CHRM3: variants seen among roughly 807,000 people sequenced by gnomAD.
The protein encoded by CHRM3 is cholinergic receptor muscarinic 3.
Under a neutral mutation model 41.8 loss-of-function variants are expected in CHRM3, and 11 were observed. The ratio of observed to expected loss-of-function variants is 0.26; its 90% CI spans 0.17 to 0.44. The LOEUF is 0.44. Ranked by LOEUF, CHRM3 falls within the 20% of genes least tolerant of loss-of-function variation. The pLI is 1.00. For synonymous variants in CHRM3, 297 were observed against 301.4 expected (o/e 0.99, Z 0.15); for missense variants, 571 against 745.4 (o/e 0.77, Z 2.72).
At chr1:239,890,735 A>C (rs765636991) in intron 6 of CHRM3, among the ~76,000 whole-genome samples, 1 of 152,222 alleles carries the variant, frequency 6.6e-6, no homozygotes. Context: ...TTCAAATATT[A>C]ACACAATAAG....
intron 5 of CHRM3, among the ~76,000 whole-genome samples, chr1:239,773,601 G>C (rs575144271): frequency 3.9e-5 from 6 of 152,144 alleles, no homozygotes; most frequent in African/African-American, 1.2e-4. Flanking sequence ...GAAAGTAAAG[G>C]AGCAAAAGAC....
At chr1:239,456,035 A>G (rs1242868644) in intron 1 of CHRM3, among the ~76,000 whole-genome samples, 1 of 152,178 alleles carries the variant, frequency 6.6e-6, no homozygotes, top group Admixed American at 6.5e-5. Flanking sequence ...AGTTGGGGGC[A>G]GTGCCTAACA....
At chr1:239,483,069 C>T (rs1009389302) in intron 1 of CHRM3, among the ~76,000 whole-genome samples, 2 of 152,110 alleles carry the variant, frequency 1.3e-5, no homozygotes, top group Non-Finnish European at 2.9e-5. Context: ...GGTTTGGGTT[C>T]ATCACCATCT....
intron 1 of CHRM3, among the ~76,000 whole-genome samples, chr1:239,417,026 G>GA (rs915849086): frequency 1.3e-5 from 2 of 152,164 alleles, no homozygotes; most frequent in African/African-American, 2.4e-5. Flanking sequence ...AAAAAGGCCT[G>GA]AAAAATGACA....
chr1:239,755,744 G>A (rs1666188596), intron 5 of CHRM3, among the ~76,000 whole-genome samples: 1 of 152,178 alleles, frequency 6.6e-6, no homozygotes, highest in Non-Finnish European at 1.5e-5. Context: ...GTAGTCACTG[G>A]TGATCACCAT....
intron 6 of CHRM3, among the ~76,000 whole-genome samples, chr1:239,871,130 C>T (rs150558336): frequency 1.3e-5 from 2 of 152,170 alleles, no homozygotes; most frequent in East Asian, 1.9e-4. Context: ...TGGGCTCATA[C>T]TAGAATGTAT....
intron 1 of CHRM3, among the ~76,000 whole-genome samples, chr1:239,455,009 T>C (rs1664820536): frequency 6.6e-6 from 1 of 152,240 alleles, no homozygotes; most frequent in African/African-American, 2.4e-5. Context: ...ATTACTGACT[T>C]ATGTATTTAC....
intron 2 of CHRM3, among the ~76,000 whole-genome samples, chr1:239,498,312 C>T (rs1668012819): frequency 6.6e-6 from 1 of 152,044 alleles, no homozygotes; most frequent in South Asian, 2.1e-4. Context: ...AAATACCTAC[C>T]ATATTGAATA....
rs988271983 is a variant in CHRM3, at chr1:239,453,967, G to A, written c.-520-38742G>A. ...AAAGTCTTAGCCAGGTTGATGGGAA[G>A]TGTATAATAGTAGGAAAAAATAAAC... On this transcript the variant is annotated intron_variant, in intron 1 of 6. Coordinates refer to ENST00000676153, the MANE Select transcript of CHRM3 (RefSeq NM_001375978.1). Among the ~76,000 whole-genome samples, 13 of 152,290 alleles carry A rather than the reference G, an allele frequency of 8.5e-5. 1 individual carries two copies. Among genetic ancestry groups the A allele is most frequent in the African/African-American group, 2.2e-4 (9 of 41,556 alleles).
chr1:239,835,377 CACA>C (rs1160401497), intron 6 of CHRM3, among the ~76,000 whole-genome samples: 1 of 152,118 alleles, frequency 6.6e-6, no homozygotes, highest in Non-Finnish European at 1.5e-5. Flanking sequence ...GTAGTCCTTC[CACA>C]AGCAACTGAT....
chr1:239,655,597 C>G (rs1672641194), intron 4 of CHRM3, among the ~76,000 whole-genome samples: 1 of 152,188 alleles, frequency 6.6e-6, no homozygotes, highest in Non-Finnish European at 1.5e-5. Context: ...AGCTCTTTCT[C>G]TTAGTATAAT....
At chr1:239,423,051 TTCTTA>T (rs987227342) in intron 1 of CHRM3, among the ~76,000 whole-genome samples, 21 of 152,286 alleles carry the variant, frequency 1.4e-4, no homozygotes, top group African/African-American at 4.8e-4. Context: ...GATCTTTTCC[TTCTTA>T]TCTGTCAGTT....
intron 1 of CHRM3, among the ~76,000 whole-genome samples, chr1:239,426,160 C>A (rs1196997739): frequency 8.9e-6 from 1 of 112,306 alleles, no homozygotes; most frequent in Non-Finnish European, 1.8e-5. Context: ...CCCCTCCCCC[C>A]ACCCCACAAC....
intron 4 of CHRM3, among the ~76,000 whole-genome samples, chr1:239,665,928 T>A (rs190503259): frequency 1.3e-5 from 2 of 152,294 alleles, no homozygotes; most frequent in Admixed American, 1.3e-4. Flanking sequence ...TGATGGGAAT[T>A]TGGGTTGGTT....
At chr1:239,893,134 G>A (rs1165930945) in intron 6 of CHRM3, among the ~76,000 whole-genome samples, 1 of 152,138 alleles carries the variant, frequency 6.6e-6, no homozygotes, top group Non-Finnish European at 1.5e-5. Context: ...ACAGGATCCT[G>A]GTGAGGATTA....
At chr1:239,842,019 T>C (rs111872574) in intron 6 of CHRM3, among the ~76,000 whole-genome samples, 3 of 152,144 alleles carry the variant, frequency 2.0e-5, no homozygotes, top group African/African-American at 7.2e-5. Flanking sequence ...GAAAATCTGC[T>C]CCGCATGATA....
chr1:239,543,994 A>G (rs1192225604), intron 2 of CHRM3, among the ~76,000 whole-genome samples: 1 of 152,228 alleles, frequency 6.6e-6, no homozygotes, highest in African/African-American at 2.4e-5. Flanking sequence ...TGAATTTCAA[A>G]TAATTCGCAC....
intron 6 of CHRM3, among the ~76,000 whole-genome samples, chr1:239,882,041 G>T (rs1317025824): frequency 6.6e-6 from 1 of 152,070 alleles, no homozygotes; most frequent in Non-Finnish European, 1.5e-5. Context: ...GAGTAGCTGG[G>T]ATTACAGGCA....
chr1:239,601,933 C>G lies in CHRM3; in HGVS notation c.-312-30291C>G, dbSNP rs79485023. Reference sequence around the variant, plus strand: ...CGTCTTTCATCTCACGATACCTTGACTTTATAAGTGCCCATAATGTCAATA... The same window carrying G: ...CGTCTTTCATCTCACGATACCTTGAGTTTATAAGTGCCCATAATGTCAATA... On this transcript the variant is annotated intron_variant, in intron 3 of 6. Coordinates refer to ENST00000676153, the MANE Select transcript of CHRM3 (RefSeq NM_001375978.1). 1.3e-3 allele frequency among the ~76,000 whole-genome samples: 191 copies of G among 151,776 alleles called. 1 individual carries two copies. Among genetic ancestry groups the G allele is most frequent in the African/African-American group, 4.4e-3 (183 of 41,420 alleles).
Sources: allele counts gnomAD v4.1 joint callset (sites outside exome capture counted in the v4.1 genomes callset), GRCh38; gene constraint gnomAD v4.1.1; transcripts MANE v1.5; gene names NCBI Gene and HGNC (gene_info 2026-07-23, HGNC 2026-07-21).